The following SLC1A6 variants were observed in gnomAD, a reference collection of about 807,000 sequenced individuals.
SLC1A6 encodes the protein solute carrier family 1 member 6, also known as excitatory amino acid transporter 4.
Under a neutral mutation model 42.1 loss-of-function variants are expected in SLC1A6, and 15 were observed. The observed-to-expected ratio is 0.36, with a 90% confidence interval of 0.24 to 0.55. SLC1A6 has a LOEUF of 0.55. Ranked by LOEUF, SLC1A6 falls within the 20% of genes least tolerant of loss-of-function variation. The pLI, the probability that SLC1A6 is intolerant of heterozygous loss-of-function variation, is 0.88. For missense variants in SLC1A6, 542 were observed against 772.5 expected, an observed-to-expected ratio of 0.70 and a Z score of 3.54; for synonymous variants, 317 against 319.7, an observed-to-expected ratio of 0.99 and a Z score of 0.09.
chr19:14,960,380 T>TGTAAATAAATTTAC (rs1256627352), intron 6 of SLC1A6, among the ~76,000 whole-genome samples: 8 of 152,246 alleles, frequency 5.3e-5, no homozygotes, highest in African/African-American at 1.7e-4. Context: ...TGGATGAGTT[T>TGTAAATAAATTTAC]GTAAATAAAT....
chr19:14,994,137 A>G (rs1415386830), intron 1 of SLC1A6, among the ~76,000 whole-genome samples: 26 of 152,100 alleles, frequency 1.7e-4, no homozygotes, highest in Admixed American at 1.6e-3. Context: ...GATGTTCTCC[A>G]TCTGTCCTCC....
chr19:15,006,057 C>T (rs2045894539), intron 1 of SLC1A6, among the ~76,000 whole-genome samples: 1 of 152,226 alleles, frequency 6.6e-6, no homozygotes, highest in Admixed American at 6.5e-5. Flanking sequence ...TTGTGAAACC[C>T]TCTCTGGACC....
intron 6 of SLC1A6, among the ~76,000 whole-genome samples, chr19:14,958,929 T>C (rs560805379): frequency 6.6e-6 from 1 of 152,366 alleles, no homozygotes; most frequent in South Asian, 2.1e-4. Context: ...CTCAAGTTCC[T>C]TATATGAAGA....
intron 1 of SLC1A6, among the ~76,000 whole-genome samples, chr19:14,993,334 G>C (rs11880455): frequency 8.2e-4 from 125 of 152,084 alleles, no homozygotes; most frequent in African/African-American, 3.0e-3. Flanking sequence ...TTTCCTTCTG[G>C]GGGGGTGAAA....
At chr19:14,991,415 A>G (rs982965709) in intron 1 of SLC1A6, among the ~76,000 whole-genome samples, 1 of 152,188 alleles carries the variant, frequency 6.6e-6, no homozygotes, top group South Asian at 2.1e-4. Flanking sequence ...ACTAGAGGTC[A>G]GGAGTTCAAG....
chr19:14,985,644 C>A (rs1309654910), intron 1 of SLC1A6, among the ~76,000 whole-genome samples: 1 of 152,196 alleles, frequency 6.6e-6, no homozygotes, highest in African/African-American at 2.4e-5. Flanking sequence ...TATAAATTAC[C>A]CAGTCTCAGA....
At chr19:14,992,293 C>T (rs1433271368) in intron 1 of SLC1A6, among the ~76,000 whole-genome samples, 2 of 152,116 alleles carry the variant, frequency 1.3e-5, no homozygotes, top group Non-Finnish European at 2.9e-5. Context: ...TTTTTTGGTG[C>T]TACCTGATAT....
chr19:15,004,311 TACAC>T (rs575591234), intron 1 of SLC1A6, among the ~76,000 whole-genome samples: 1 of 150,810 alleles, frequency 6.6e-6, no homozygotes, highest in Non-Finnish European at 1.5e-5. Context: ...CATGCACACA[TACAC>T]ACACACACAC....
At chr19:14,956,746 C>A (rs2045466612) in intron 6 of SLC1A6, 37 bp from the exon 7 acceptor site, 1 of 1,431,550 alleles carries the variant, frequency 7.0e-7, no homozygotes, top group African/African-American at 1.4e-5. Context: ...AGGGCTCCCT[C>A]CTGACCTCCC....
chr19:14,965,433 A>G (rs1324279483), intron 4 of SLC1A6, among the ~76,000 whole-genome samples: 1 of 152,196 alleles, frequency 6.6e-6, no homozygotes, highest in Admixed American at 6.5e-5. Context: ...CTGCACACAT[A>G]TGTTTATCAC....
At chr19:15,009,129 T>G (rs571015858) in intron 1 of SLC1A6, among the ~76,000 whole-genome samples, 102 of 116,426 alleles carry the variant, frequency 8.8e-4, no homozygotes, top group African/African-American at 4.1e-3. Context: ...TATATCTAGA[T>G]AGCATATATA....
At chr19:14,958,303 C>T (rs1055480225) in intron 6 of SLC1A6, among the ~76,000 whole-genome samples, 5 of 151,504 alleles carry the variant, frequency 3.3e-5, no homozygotes, top group Non-Finnish European at 5.9e-5. Context: ...CCCAGCTACT[C>T]GGGAGGCTGA....
At chr19:15,009,391 T>C (rs2045913926) in intron 1 of SLC1A6, among the ~76,000 whole-genome samples, 1 of 152,116 alleles carries the variant, frequency 6.6e-6, no homozygotes, top group African/African-American at 2.4e-5. Flanking sequence ...ATAGCAGATA[T>C]ATATCACATA....
At chr19:14,979,917 T>C (rs1298551729), upstream of SLC1A6, 1 of 151,608 alleles carries the variant, frequency 6.6e-6, no homozygotes, top group Non-Finnish European at 1.5e-5. This position sits in a 1 kb window ranked among gnomAD's most constrained non-coding sequence, Gnocchi z 4.2. Context: ...CGCCCCCTGC[T>C]CGGAGCCGCG....
At chr19:14,977,153 A>T (rs535797067) in intron 1 of SLC1A6, 1 of 152,148 alleles carries the variant, frequency 6.6e-6, no homozygotes, top group Admixed American at 6.5e-5. Flanking sequence ...GTAGATACCA[A>T]GGGAGATCAT....
intron 1 of SLC1A6, among the ~76,000 whole-genome samples, chr19:14,989,337 C>T (rs1283556547): frequency 6.6e-6 from 1 of 152,138 alleles, no homozygotes; most frequent in Non-Finnish European, 1.5e-5. Context: ...TCTCGGCTCA[C>T]TGCAACCTCC....
At chr19:14,992,216 G>A (rs2045824014) in intron 1 of SLC1A6, among the ~76,000 whole-genome samples, 1 of 152,196 alleles carries the variant, frequency 6.6e-6, no homozygotes, top group African/African-American at 2.4e-5. Flanking sequence ...ACCATGGATT[G>A]TTTGCATTAA....
intron 1 of SLC1A6, among the ~76,000 whole-genome samples, chr19:14,984,871 C>T (rs1300688289): frequency 1.3e-5 from 2 of 150,640 alleles, no homozygotes; most frequent in Non-Finnish European, 2.9e-5. Context: ...AATTTTCACT[C>T]AAAAGTGCAA....
chr19:14,970,530 T>G (rs1387573600), intron 3 of SLC1A6, among the ~76,000 whole-genome samples: 1 of 151,402 alleles, frequency 6.6e-6, no homozygotes, highest in East Asian at 2.0e-4. Context: ...GCTAGCACGG[T>G]GAAACCCTGT....
Sources: gnomAD v4.1 joint callset for allele counts (sites outside exome capture counted in the v4.1 genomes callset) on GRCh38, gnomAD v4.1.1 for gene constraint, Gnocchi (gnomAD v3.1) non-coding constraint, MANE v1.5 for transcripts, NCBI Gene and HGNC (gene_info 2026-07-23, HGNC 2026-07-21) for gene names.